The following ARMC2 variants were observed in gnomAD, a reference collection of about 807,000 sequenced individuals.
ARMC2 encodes armadillo repeat containing 2.
Under a neutral mutation model 90.3 loss-of-function variants are expected in ARMC2, and 67 were observed. The observed-to-expected ratio is 0.74, with a 90% CI of 0.61 to 0.91. ARMC2 has a LOEUF of 0.91. ARMC2 is among the 40% of genes least tolerant of loss of function. The pLI, the probability that ARMC2 is intolerant of heterozygous loss-of-function variation, is 0.00. For synonymous variants in ARMC2, 393 were observed against 393.0 expected, an observed-to-expected ratio of 1.00 and a Z score of 0.00; for missense variants, 920 against 1,030.9, an observed-to-expected ratio of 0.89 and a Z score of 1.47.
chr6:108,892,759 C>CAA (rs55747245), intron 5 of ARMC2, among the ~76,000 whole-genome samples: 5 of 89,680 alleles, frequency 5.6e-5, no homozygotes, highest in African/African-American at 9.2e-5. Context: ...AACTCCATCT[C>CAA]AAAAAAAAAA....
At chr6:108,993,632 T>G in the ARMC2 span, among the ~76,000 whole-genome samples, 1 of 152,198 alleles carries the variant, frequency 6.6e-6, no homozygotes, top group African/African-American at 2.4e-5. Flanking sequence ...TCCTTTAAAT[T>G]ACCTGGTTTA....
At chr6:109,042,376 C>A in the ARMC2 span, among the ~76,000 whole-genome samples, 2 of 150,510 alleles carry the variant, frequency 1.3e-5, no homozygotes, top group Non-Finnish European at 3.0e-5. Context: ...AATTTGAAAA[C>A]AGAAAAACAA....
chr6:108,964,392 A>G (rs1053928521), intron 16 of ARMC2, 80 bp downstream of exon 16: 12 of 1,488,040 alleles, frequency 8.1e-6, no homozygotes, highest in Non-Finnish European at 1.1e-5. Context: ...CCCTTTCATC[A>G]TTCCTGTGGG....
intron 5 of ARMC2, among the ~76,000 whole-genome samples, chr6:108,878,564 G>T (rs947652349): frequency 1.3e-5 from 2 of 152,158 alleles, no homozygotes; most frequent in Non-Finnish European, 2.9e-5. Flanking sequence ...AGATATTGAT[G>T]GAATATCTGA....
chr6:108,960,775 T>C (rs1161420626), intron 13 of ARMC2, among the ~76,000 whole-genome samples: 2 of 152,052 alleles, frequency 1.3e-5, no homozygotes, highest in Non-Finnish European at 2.9e-5. Flanking sequence ...GGGAGGACAG[T>C]ATGTTCCAGA....
the ARMC2 span, among the ~76,000 whole-genome samples, chr6:109,024,103 T>C: frequency 6.6e-6 from 1 of 152,096 alleles, no homozygotes. Context: ...AACAATCTCA[T>C]GAATCTAGAA....
the ARMC2 span, among the ~76,000 whole-genome samples, chr6:109,050,254 A>G: frequency 2.0e-5 from 3 of 152,154 alleles, no homozygotes; most frequent in Admixed American, 6.5e-5. Flanking sequence ...AGACTGACCA[A>G]TTGTGCTACC....
At chr6:108,927,632 A>G (rs1775209258) in intron 10 of ARMC2, among the ~76,000 whole-genome samples, 1 of 151,924 alleles carries the variant, frequency 6.6e-6, no homozygotes, top group Non-Finnish European at 1.5e-5. Flanking sequence ...GATCTTAAAT[A>G]TTCCTTGGCC....
chr6:109,028,457 G>GTTAATT, the ARMC2 span, among the ~76,000 whole-genome samples: 65 of 152,014 alleles, frequency 4.3e-4, no homozygotes, highest in African/African-American at 1.5e-3. Context: ...AAGTGTTCTG[G>GTTAATT]TACATTTGCA....
chr6:108,964,115 T>TA, intron 15 of ARMC2, 65 bp from the exon 16 acceptor site: 2 of 1,563,852 alleles, frequency 1.3e-6, no homozygotes, highest in Non-Finnish European at 1.7e-6. Flanking sequence ...ATACCATCTG[T>TA]AAAACAAGAG....
intron 13 of ARMC2, 97 bp from the exon 14 acceptor site, chr6:108,961,475 G>A (rs1043708020): frequency 1.6e-5 from 22 of 1,358,756 alleles, no homozygotes; most frequent in East Asian, 2.4e-5. Flanking sequence ...CTGCGTGATC[G>A]CAGCCGGCTC....
chr6:108,878,699 A>C (rs1777171596), intron 5 of ARMC2, among the ~76,000 whole-genome samples: 1 of 152,218 alleles, frequency 6.6e-6, no homozygotes, highest in Non-Finnish European at 1.5e-5. Context: ...CACACTGTCA[A>C]GCACTTACGG....
intron 9 of ARMC2, 131 bp downstream of exon 9, chr6:108,911,132 T>G: frequency 3.3e-6 from 2 of 615,266 alleles, no homozygotes; most frequent in Non-Finnish European, 5.5e-6. Context: ...AGTTATGTGA[T>G]GCTCATTTTT....
chr6:108,930,014 C>A (rs916068937), intron 11 of ARMC2, among the ~76,000 whole-genome samples: 1 of 151,776 alleles, frequency 6.6e-6, no homozygotes, highest in African/African-American at 2.4e-5. Context: ...GTAGTCCCAG[C>A]TACTTGAGAG....
At chr6:109,011,257 G>C in the ARMC2 span, among the ~76,000 whole-genome samples, 1 of 152,194 alleles carries the variant, frequency 6.6e-6, no homozygotes, top group African/African-American at 2.4e-5. Context: ...CTGATACTTA[G>C]TGCTTGATAA....
At chr6:109,009,391 T>TGCAGCCCA in the ARMC2 span, 2 of 1,465,992 alleles carry the variant, frequency 1.4e-6, no homozygotes, top group Middle Eastern at 4.1e-4. Flanking sequence ...CCGCACTGCT[T>TGCAGCCCA]GCAGCCCAGC....
chr6:109,044,456 G>A, the ARMC2 span, among the ~76,000 whole-genome samples: 1 of 149,276 alleles, frequency 6.7e-6, no homozygotes, highest in Non-Finnish European at 1.5e-5. Flanking sequence ...AAAACAAAAT[G>A]ATTCTAGACA....
chr6:109,026,228 C>T, the ARMC2 span, among the ~76,000 whole-genome samples: 1 of 152,030 alleles, frequency 6.6e-6, no homozygotes, highest in South Asian at 2.1e-4. Flanking sequence ...TTTTAAGAGA[C>T]AAAAACTAAG....
At chr6:108,884,223 G>T (rs1777863431) in intron 5 of ARMC2, among the ~76,000 whole-genome samples, 1 of 152,096 alleles carries the variant, frequency 6.6e-6, no homozygotes, top group African/African-American at 2.4e-5. Flanking sequence ...TGTCCATGAA[G>T]AGCTTACCAG....
Sources: gnomAD v4.1 joint callset for allele counts (sites outside exome capture counted in the v4.1 genomes callset) on GRCh38, gnomAD v4.1.1 for gene constraint, MANE v1.5 for transcripts, NCBI Gene and HGNC (gene_info 2026-07-23, HGNC 2026-07-21) for gene names.